GLIS3: variants seen among roughly 807,000 people sequenced by gnomAD.
GLIS3 encodes GLIS family zinc finger 3, also known as zinc finger protein GLIS3.
In GLIS3, 53 loss-of-function variants were observed where a neutral mutation model predicts 78.6. The ratio of observed to expected loss-of-function variants is 0.67; its 90% CI spans 0.54 to 0.85. The LOEUF (loss-of-function observed/expected upper bound fraction) is 0.85, where lower values mean the gene tolerates loss of function less well. Ranked by LOEUF, GLIS3 falls within the 40% of genes least tolerant of loss-of-function variation. The pLI, the probability that GLIS3 is intolerant of heterozygous loss-of-function variation, is 0.00. For synonymous variants in GLIS3, 684 were observed against 509.9 expected (o/e 1.34, Z -4.60); for missense variants, 1,703 against 1,231.1 (o/e 1.38, Z -5.74).
chr9:4,175,807 G>C (rs540368884), intron 2 of GLIS3, among the ~76,000 whole-genome samples: 1 of 152,220 alleles, frequency 6.6e-6, no homozygotes, highest in South Asian at 2.1e-4. Flanking sequence ...ACTGTATTAG[G>C]CATATTACAT....
At chr9:4,297,039 C>A (rs1181660372) in intron 1 of GLIS3, among the ~76,000 whole-genome samples, 1 of 151,378 alleles carries the variant, frequency 6.6e-6, no homozygotes, top group Non-Finnish European at 1.5e-5. Context: ...CTGCTTCACA[C>A]AGAACCAGCG....
chr9:3,843,484 A>G (rs1672626763), intron 9 of GLIS3, among the ~76,000 whole-genome samples: 1 of 152,170 alleles, frequency 6.6e-6, no homozygotes, highest in South Asian at 2.1e-4. Flanking sequence ...TGTATTTGGG[A>G]AACCTGACAT....
chr9:4,385,665 CAAA>C, the GLIS3 span, among the ~76,000 whole-genome samples: 2 of 75,318 alleles, frequency 2.7e-5, no homozygotes, highest in African/African-American at 1.2e-4. Context: ...AACTCCATCT[CAAA>C]AAAAAAAAAA....
At chr9:4,187,054 A>T (rs1313947698) in intron 2 of GLIS3, among the ~76,000 whole-genome samples, 1 of 152,078 alleles carries the variant, frequency 6.6e-6, no homozygotes, top group Non-Finnish European at 1.5e-5. Context: ...AGTGTTTTAG[A>T]CATGAAGTCC....
At chr9:3,885,626 A>G (rs1187499449) in intron 7 of GLIS3, among the ~76,000 whole-genome samples, 1 of 152,232 alleles carries the variant, frequency 6.6e-6, no homozygotes, top group Non-Finnish European at 1.5e-5. Flanking sequence ...AAGCTAATCA[A>G]TGAAATCAGG....
At chr9:4,421,593 C>A in the GLIS3 span, among the ~76,000 whole-genome samples, 1 of 152,130 alleles carries the variant, frequency 6.6e-6, no homozygotes, top group Non-Finnish European at 1.5e-5. Context: ...AGGACCTCAC[C>A]CAAGATACAG....
chr9:4,118,051 T>C lies in GLIS3; in HGVS notation c.1427A>G (p.His476Arg). The change falls in exon 4 of 11, where the codon CAC becomes CGC. Residue 476 changes from histidine (H) to arginine (R), a missense_variant. By Grantham distance (29) the His-to-Arg change is conservative. Coordinates refer to ENST00000381971, the MANE Select transcript of GLIS3 (RefSeq NM_001042413.2). The surrounding 1 kb of genome is among the most constrained non-coding windows in gnomAD (Gnocchi z 4.7). ...AHLHHPELGP[H>R]AQQLALPQAT... ...CTGGGGCAAGGCCAGCTGCTGGGCG[T>C]GGGGCCCGAGCTCCGGGTGGTGAAG... 1.4e-6 allele frequency: 2 copies of C among 1,414,020 alleles called. No homozygotes were observed. Among genetic ancestry groups the C allele is most frequent in the East Asian group, 2.5e-5 (1 of 39,836 alleles). The allele number at this position is 1,414,020 out of a possible 1,614,324, so 87.6% of individuals were successfully genotyped here.
chr9:4,260,349 G>A (rs575670221), intron 2 of GLIS3, among the ~76,000 whole-genome samples: 17 of 152,140 alleles, frequency 1.1e-4, no homozygotes, highest in Non-Finnish European at 1.9e-4. Context: ...GGTCGATCAC[G>A]AGGTCAGGAG....
chr9:4,263,291 T>C (rs569341580), intron 2 of GLIS3, among the ~76,000 whole-genome samples: 1 of 152,312 alleles, frequency 6.6e-6, no homozygotes, highest in South Asian at 2.1e-4. Context: ...ATCACGTTTT[T>C]AAAAACGACT....
intron 2 of GLIS3, among the ~76,000 whole-genome samples, chr9:4,209,914 G>C (rs989621500): frequency 5.3e-5 from 8 of 152,072 alleles, no homozygotes; most frequent in African/African-American, 1.7e-4. Flanking sequence ...AAGAGGATCT[G>C]TGTACAAACA....
chr9:4,010,290 G>C (rs967919429), intron 4 of GLIS3, among the ~76,000 whole-genome samples: 1 of 152,170 alleles, frequency 6.6e-6, no homozygotes, highest in African/African-American at 2.4e-5. Context: ...TATTCGACCT[G>C]ATGTGCTTCA....
the GLIS3 span, among the ~76,000 whole-genome samples, chr9:4,359,879 T>G: frequency 6.6e-6 from 1 of 151,888 alleles, no homozygotes; most frequent in Admixed American, 6.6e-5. Flanking sequence ...CTTTGTTCTA[T>G]GCTGAGATGA....
At chr9:4,282,554 G>C (rs1827654618) in intron 2 of GLIS3, among the ~76,000 whole-genome samples, 1 of 152,016 alleles carries the variant, frequency 6.6e-6, no homozygotes, top group Non-Finnish European at 1.5e-5. Context: ...GCTCTTCCTG[G>C]ATCTTGAGCC....
intron 6 of GLIS3, among the ~76,000 whole-genome samples, chr9:3,899,370 C>A (rs536522530): frequency 6.6e-6 from 1 of 151,586 alleles, no homozygotes; most frequent in East Asian, 1.9e-4. Context: ...AAAACTCCAA[C>A]AGTCAGTTAC....
chr9:4,054,489 G>C (rs1825977286), intron 4 of GLIS3: 1 of 985,286 alleles, frequency 1.0e-6, no homozygotes. Flanking sequence ...GGGCCTACGG[G>C]TTCTGCAGGT....
At chr9:4,444,105 C>G in the GLIS3 span, among the ~76,000 whole-genome samples, 2 of 152,138 alleles carry the variant, frequency 1.3e-5, no homozygotes, top group African/African-American at 4.8e-5. Context: ...GGTGGTCAGT[C>G]ATAGAAATGA....
intron 2 of GLIS3, among the ~76,000 whole-genome samples, chr9:4,230,069 T>A (rs1023623098): frequency 2.0e-5 from 3 of 152,226 alleles, no homozygotes; most frequent in African/African-American, 7.2e-5. Context: ...GGGAAAGGAC[T>A]TCAAAGAAAG....
At chr9:4,484,243 T>TA in the GLIS3 span, among the ~76,000 whole-genome samples, 35 of 145,196 alleles carry the variant, frequency 2.4e-4, 1 homozygote, top group South Asian at 6.1e-3. Context: ...TTTTTTATTT[T>TA]TTTTATTTTT....
the GLIS3 span, among the ~76,000 whole-genome samples, chr9:4,387,363 G>T: frequency 1.3e-5 from 2 of 151,804 alleles, no homozygotes; most frequent in African/African-American, 4.8e-5. Context: ...CAAAACTTAC[G>T]GCCTTAGTGC....
Sources: allele counts gnomAD v4.1 joint callset (sites outside exome capture counted in the v4.1 genomes callset), GRCh38; gene constraint gnomAD v4.1.1; non-coding constraint Gnocchi (gnomAD v3.1); transcripts MANE v1.5; gene names NCBI Gene and HGNC (gene_info 2026-07-23, HGNC 2026-07-21).